Variants in NAALADL2 observed in about 807,000 individuals in gnomAD.
The protein encoded by NAALADL2 is N-acetylated alpha-linked acidic dipeptidase like 2, also known as inactive N-acetylated-alpha-linked acidic dipeptidase-like protein 2.
Under a neutral mutation model 87.2 loss-of-function variants are expected in NAALADL2, and 76 were observed. The observed-to-expected ratio is 0.87, with a 90% CI of 0.72 to 1.05. The LOEUF (loss-of-function observed/expected upper bound fraction) is 1.05, where lower values mean the gene tolerates loss of function less well. Ranked by LOEUF, NAALADL2 falls within the 50% of genes least tolerant of loss-of-function variation. The pLI is 0.00. For missense variants in NAALADL2, 1,089 were observed against 945.8 expected (o/e 1.15, Z -1.99); for synonymous variants, 354 against 331.0 (o/e 1.07, Z -0.75).
rs559238787 is a variant in NAALADL2 at position 174,486,293 on chromosome 3, T to C, written c.-184+45261T>C. On this transcript the variant is annotated intron_variant, in intron 1 of 3. Coordinates refer to the NAALADL2 transcript ENST00000434257. ...GAGCAGAATGCTCTATCTAGCGTATTTCAAAATCATTCCTTTTCTTCTCCC... is the reference window on the plus strand; with the variant it reads ...GAGCAGAATGCTCTATCTAGCGTATCTCAAAATCATTCCTTTTCTTCTCCC... Among the ~76,000 whole-genome samples, 5 of 152,190 alleles carry C rather than the reference T, an allele frequency of 3.3e-5. No individual in the cohort carries two copies. The South Asian group carries it at 1.0e-3, about 31-fold the overall frequency.
intron 3 of NAALADL2, among the ~76,000 whole-genome samples, chr3:174,825,474 G>A (rs1721874268): frequency 6.6e-6 from 1 of 152,176 alleles, no homozygotes. Flanking sequence ...TGGATGGAAT[G>A]TATGATTCCT....
At chr3:175,698,425 G>GTATGTGTATTTATGTATGTATACATA (rs1553953572) in intron 11 of NAALADL2, among the ~76,000 whole-genome samples, 1 of 85,462 alleles carries the variant, frequency 1.2e-5, no homozygotes, top group Non-Finnish European at 2.1e-5. Context: ...GTATACATAT[G>GTATGTGTATTTATGTATGTATACATA]TATGTGTATA....
chr3:174,831,252 G>C (rs1485637233), intron 3 of NAALADL2, among the ~76,000 whole-genome samples: 4 of 150,436 alleles, frequency 2.7e-5, no homozygotes, highest in African/African-American at 7.4e-5. Context: ...GTTTGTCATA[G>C]ATAGCTCTTA....
intron 4 of NAALADL2, among the ~76,000 whole-genome samples, chr3:175,313,198 T>G (rs1388802985): frequency 6.6e-6 from 1 of 152,150 alleles, no homozygotes; most frequent in African/African-American, 2.4e-5. Flanking sequence ...CGACCTCATT[T>G]AACCTTAATT....
At chr3:175,750,815 T>C (rs888940121) in intron 12 of NAALADL2, among the ~76,000 whole-genome samples, 3 of 152,192 alleles carry the variant, frequency 2.0e-5, no homozygotes, top group Non-Finnish European at 4.4e-5. Flanking sequence ...TTTAGATGTA[T>C]ATGTACATTT....
At chr3:175,620,834 C>T (rs1004263214) in intron 10 of NAALADL2, among the ~76,000 whole-genome samples, 1 of 152,124 alleles carries the variant, frequency 6.6e-6, no homozygotes, top group South Asian at 2.1e-4. Context: ...TATGCGGACA[C>T]AGGATAGCAA....
intron 4 of NAALADL2, among the ~76,000 whole-genome samples, chr3:175,276,342 T>C (rs1560277501): frequency 6.7e-6 from 1 of 149,230 alleles, no homozygotes; most frequent in African/African-American, 2.5e-5. Context: ...GCTCTGCTGC[T>C]AGACTGGAGT....
At chr3:174,489,351 A>G (rs773692923) in intron 1 of NAALADL2, among the ~76,000 whole-genome samples, 3 of 152,068 alleles carry the variant, frequency 2.0e-5, no homozygotes, top group African/African-American at 7.2e-5. Flanking sequence ...AATGGACCAT[A>G]AGCCTGAATA....
chr3:175,604,437 G>T (rs1011760220), intron 10 of NAALADL2, among the ~76,000 whole-genome samples: 2 of 151,540 alleles, frequency 1.3e-5, no homozygotes, highest in African/African-American at 4.9e-5. Flanking sequence ...CCGAGTAGCT[G>T]GGACTACAGG....
At chr3:175,482,099 A>T (rs1242441267) in intron 9 of NAALADL2, among the ~76,000 whole-genome samples, 1 of 151,962 alleles carries the variant, frequency 6.6e-6, no homozygotes, top group Non-Finnish European at 1.5e-5. Flanking sequence ...CTTTTCAATA[A>T]GAAAAAAATT....
chr3:175,389,829 C>T (rs895120900), intron 5 of NAALADL2, among the ~76,000 whole-genome samples: 2 of 152,104 alleles, frequency 1.3e-5, no homozygotes, highest in African/African-American at 4.8e-5. Context: ...ACAGTGGCTC[C>T]AGGGGAGAGA....
intron 10 of NAALADL2, among the ~76,000 whole-genome samples, chr3:175,599,794 A>T (rs1383630283): frequency 6.6e-6 from 1 of 152,178 alleles, no homozygotes; most frequent in African/African-American, 2.4e-5. Context: ...TGATAATATT[A>T]CCCATTACTA....
At chr3:175,141,540 A>G (rs1194421449) in intron 2 of NAALADL2, among the ~76,000 whole-genome samples, 1 of 152,076 alleles carries the variant, frequency 6.6e-6, no homozygotes, top group Non-Finnish European at 1.5e-5. Flanking sequence ...CTTGACTGGG[A>G]TATCCAATAT....
chr3:174,640,277 G>A (rs1212101862), intron 2 of NAALADL2, among the ~76,000 whole-genome samples: 1 of 152,162 alleles, frequency 6.6e-6, no homozygotes, highest in East Asian at 1.9e-4. Context: ...TGAGAAAACA[G>A]GGAATTAGTT....
At chr3:175,670,194 A>G (rs1733748230) in intron 11 of NAALADL2, among the ~76,000 whole-genome samples, 1 of 151,894 alleles carries the variant, frequency 6.6e-6, no homozygotes, top group African/African-American at 2.4e-5. Context: ...CAAAACTAGG[A>G]TTTGAATCCA....
At chr3:174,855,045 G>C (rs2109498891), upstream of NAALADL2, among the ~76,000 whole-genome samples, 1 of 151,960 alleles carries the variant, frequency 6.6e-6, no homozygotes, top group Non-Finnish European at 1.5e-5. Flanking sequence ...CACCATGTTG[G>C]CCATGCTGGT....
chr3:175,419,687 G>T (rs908065792), intron 5 of NAALADL2, among the ~76,000 whole-genome samples: 8 of 151,828 alleles, frequency 5.3e-5, no homozygotes, highest in African/African-American at 1.7e-4. Context: ...TTTTATTACT[G>T]CCCATTTTCC....
chr3:175,482,393 A>T (rs1459071958), intron 9 of NAALADL2, among the ~76,000 whole-genome samples: 2 of 100,712 alleles, frequency 2.0e-5, no homozygotes, highest in African/African-American at 5.4e-5. Flanking sequence ...TGTAGAGATT[A>T]TTTCATCAAA....
At chr3:175,135,272 T>C (rs551809487) in intron 2 of NAALADL2, among the ~76,000 whole-genome samples, 12 of 152,324 alleles carry the variant, frequency 7.9e-5, no homozygotes, top group African/African-American at 2.6e-4. Flanking sequence ...GAGGGGTTTA[T>C]TTCAAAATCA....
Sources: gnomAD v4.1 joint callset for allele counts (sites outside exome capture counted in the v4.1 genomes callset) on GRCh38, gnomAD v4.1.1 for gene constraint, MANE v1.5 for transcripts, NCBI Gene and HGNC (gene_info 2026-07-23, HGNC 2026-07-21) for gene names.